Variants in ADAMTS16 observed in about 807,000 individuals in gnomAD.
The protein encoded by ADAMTS16 is ADAM metallopeptidase with thrombospondin type 1 motif 16.
A neutral mutation model predicts 145.8 loss-of-function variants in ADAMTS16; 94 were observed. The ratio of observed to expected loss-of-function variants is 0.64; its 90% confidence interval spans 0.55 to 0.77. ADAMTS16 has a LOEUF of 0.77. Among genes scored for constraint, ADAMTS16 ranks in the 30% least tolerant of loss-of-function variants. The pLI is 0.00. For missense variants in ADAMTS16, 1,585 were observed against 1,591.5 expected (o/e 1.00, Z 0.07); for synonymous variants, 659 against 604.3 (o/e 1.09, Z -1.33).
At chr5:5,222,988 A>T in intron 11 of ADAMTS16, 104 bp downstream of exon 11, 1 of 933,170 alleles carries the variant, frequency 1.1e-6, no homozygotes, top group East Asian at 2.5e-5. Flanking sequence ...TGTATTTCTC[A>T]TATACATATG....
At chr5:5,238,590 A>AT (rs142743269) in intron 14 of ADAMTS16, among the ~76,000 whole-genome samples, 311 of 152,028 alleles carry the variant, frequency 2.0e-3, no homozygotes, top group African/African-American at 3.8e-3. Flanking sequence ...TTCTGAATGG[A>AT]TTTTTTTTGT....
intron 18 of ADAMTS16, among the ~76,000 whole-genome samples, chr5:5,288,876 C>A (rs901279452): frequency 6.6e-6 from 1 of 152,192 alleles, no homozygotes; most frequent in African/African-American, 2.4e-5. Flanking sequence ...CTGTATGATG[C>A]TGACCATCAA....
intron 9 of ADAMTS16, among the ~76,000 whole-genome samples, chr5:5,208,771 T>C (rs1736197487): frequency 6.6e-6 from 1 of 152,144 alleles, no homozygotes; most frequent in Admixed American, 6.5e-5. Flanking sequence ...AAGATGTCCA[T>C]CATAAGAGCT....
At chr5:5,159,158 G>A (rs1180366645) in intron 3 of ADAMTS16, among the ~76,000 whole-genome samples, 1 of 152,238 alleles carries the variant, frequency 6.6e-6, no homozygotes, top group East Asian at 1.9e-4. Flanking sequence ...GACTGTGGAA[G>A]TCATTCTGCA....
chr5:5,152,078 C>T (rs2560420), intron 3 of ADAMTS16, among the ~76,000 whole-genome samples: 151,809 of 152,350 alleles, frequency 1, 75,656 homozygotes, highest in Middle Eastern at 1. Context: ...ATGGTTCTTC[C>T]TAGTTGCTCA....
In ADAMTS16 at chr5:5,179,862, C is replaced by G. The variant is rs572408609; in HGVS notation, c.502-2182C>G. Among the ~76,000 whole-genome samples the G allele has an allele frequency of 2.0e-5, 3 of 152,304 alleles. No individual in the cohort carries two copies. The South Asian group carries it at 6.2e-4, about 32-fold the overall frequency. On this transcript the variant is annotated intron_variant, in intron 3 of 22. Transcript: ENST00000274181. ...CAAGCTTACCTTTGTCTTGCCTCCTCTCACCCCCAGTGGTAACACTGCAGC... is the reference window on the plus strand; with the variant it reads ...CAAGCTTACCTTTGTCTTGCCTCCTGTCACCCCCAGTGGTAACACTGCAGC...
chr5:5,265,487 A>C (rs919328281), intron 18 of ADAMTS16, among the ~76,000 whole-genome samples: 6 of 152,358 alleles, frequency 3.9e-5, no homozygotes, highest in Admixed American at 3.9e-4. Context: ...CCTGGGAGAC[A>C]GGGGTCCTAT....
chr5:5,194,374 G>A, intron 8 of ADAMTS16, among the ~76,000 whole-genome samples: 1 of 152,142 alleles, frequency 6.6e-6, no homozygotes, highest in Non-Finnish European at 1.5e-5. Flanking sequence ...GCTCTTCATG[G>A]AGCACTTTCT....
At chr5:5,206,149 G>T (rs573014768) in intron 9 of ADAMTS16, among the ~76,000 whole-genome samples, 4 of 151,762 alleles carry the variant, frequency 2.6e-5, no homozygotes, top group African/African-American at 4.8e-5. Flanking sequence ...GCCTTTGGCC[G>T]GGCGCGGTGG....
chr5:5,200,268 A>G lies in ADAMTS16; in HGVS notation c.1450A>G (p.Ser484Gly). 2 of 1,613,912 alleles carry G rather than the reference A, an allele frequency of 1.2e-6. No individual in the cohort carries two copies. The highest frequency in any genetic ancestry group is 1.7e-6 in the Non-Finnish European group (2 of 1,179,886). The change falls in exon 9 of 23, where the codon AGC becomes GGC. Residue 484 changes from serine to glycine, a missense_variant and splice_region_variant. Around this residue, in one of 3 missense-constraint regions of ADAMTS16, gnomAD observed 298 missense variants for 367.6 expected, o/e 0.81. Transcript: ENST00000274181. ...CSRQYLHKFLSTAQAICLADQ... is the reference protein window; with the variant it reads ...CSRQYLHKFLGTAQAICLADQ... ...CCGCCAGTATCTACACAAATTTCTAAGGTAGGAACTCTTTAAGCTGGTCTT... is the reference window on the plus strand; with the variant it reads ...CCGCCAGTATCTACACAAATTTCTAGGGTAGGAACTCTTTAAGCTGGTCTT...
Position 5,303,625 on chromosome 5 carries a change from C to A in ADAMTS16, c.3045C>A (p.Ser1015Arg). 6.2e-7 allele frequency: 1 copy of A among 1,614,140 alleles called. No homozygotes were observed. The highest frequency in any genetic ancestry group is 8.5e-7 in the Non-Finnish European group (1 of 1,180,034). ...GGAAGCGGGCAGTGGCCTGTAAGAG[C>A]ACCAACCCCTCGGCCAGAGCGCAGC... is the stretch of plus-strand genomic sequence containing the variant. ...GWRKRAVACK[S>R]TNPSARAQLL... The change falls in exon 20 of 23, where the codon AGC becomes AGA. Residue 1015 changes from serine (S) to arginine (R), a missense_variant. Ser to Arg is a moderately radical substitution (Grantham distance 110). Coordinates refer to ENST00000274181, the MANE Select transcript of ADAMTS16 (RefSeq NM_139056.4).
rs145499058 is a variant in ADAMTS16 at position 5,188,423 on chromosome 5, T to C, written c.1047+615T>C. Among the ~76,000 whole-genome samples the C allele has an allele frequency of 2.3e-3, 352 of 152,312 alleles. 3 individuals carry two copies. Among genetic ancestry groups the C allele is most frequent in the African/African-American group, 8.1e-3 (335 of 41,572 alleles). On this transcript the variant is annotated intron_variant, in intron 6 of 22. Coordinates refer to ENST00000274181, the MANE Select transcript of ADAMTS16 (RefSeq NM_139056.4). ...TTCATTTGGGACCCCCGTAAATGCA[T>C]AGAGGTGGTCCCTTCACAGAAAGGA...
chr5:5,140,595 C>T lies in ADAMTS16; in HGVS notation c.72+56C>T, dbSNP rs1228050658. On this transcript the variant is annotated intron_variant, in intron 1 of 22. Coordinates refer to ENST00000274181, the MANE Select transcript of ADAMTS16 (RefSeq NM_139056.4). ...AACCGCGGGTCCGGACAGCTGGAGG[C>T]GAGTCCCCCGCGGCTCCTCTCCCGC... The T allele has an allele frequency of 4.6e-6, 7 of 1,515,332 alleles. No individual in the cohort carries two copies. In the African/African-American group the frequency reaches 8.5e-5, roughly 18 times the overall value. 93.9% of individuals were successfully genotyped at this position (1,515,332 alleles called of 1,614,324 possible).
At chr5:5,211,042 A>C (rs181117303) in intron 10 of ADAMTS16, among the ~76,000 whole-genome samples, 3 of 152,206 alleles carry the variant, frequency 2.0e-5, no homozygotes, top group Non-Finnish European at 2.9e-5. Flanking sequence ...ATTATTGGGA[A>C]ATTTCTTTCT....
chr5:5,180,942 T>A (rs1172555961), intron 3 of ADAMTS16, among the ~76,000 whole-genome samples: 1 of 152,228 alleles, frequency 6.6e-6, no homozygotes, highest in African/African-American at 2.4e-5. Flanking sequence ...AAAAAAATGT[T>A]TAATTATAAT....
chr5:5,179,671 G>C (rs376457541), intron 3 of ADAMTS16, among the ~76,000 whole-genome samples: 13 of 152,204 alleles, frequency 8.5e-5, no homozygotes, highest in African/African-American at 2.4e-4. Context: ...GGCCAAGAAG[G>C]TTCCGAAGTA....
chr5:5,173,640 A>G (rs1051755341), intron 3 of ADAMTS16, among the ~76,000 whole-genome samples: 2 of 151,552 alleles, frequency 1.3e-5, no homozygotes, highest in Admixed American at 1.3e-4. Flanking sequence ...CGCCCAGCTA[A>G]TTTTTTGTAT....
At chr5:5,273,465 C>T (rs10041908) in intron 18 of ADAMTS16, among the ~76,000 whole-genome samples, 16,483 of 152,214 alleles carry the variant, frequency 0.11, 1,296 homozygotes, top group African/African-American at 0.23. Flanking sequence ...AGAGGTTGCC[C>T]TGATGGCACC....
chr5:5,161,517 T>C (rs973787939), intron 3 of ADAMTS16, among the ~76,000 whole-genome samples: 1 of 152,198 alleles, frequency 6.6e-6, no homozygotes, highest in Non-Finnish European at 1.5e-5. Context: ...TTAATTATCA[T>C]GTTGGGCAAA....
Sources: gnomAD v4.1 joint callset for allele counts (sites outside exome capture counted in the v4.1 genomes callset) on GRCh38, gnomAD v4.1.1 for gene constraint, gnomAD v4.1.1 regional missense constraint, MANE v1.5 for transcripts, NCBI Gene and HGNC (gene_info 2026-07-23, HGNC 2026-07-21) for gene names.